EFHD1: variants seen among roughly 807,000 people sequenced by gnomAD.
The protein encoded by EFHD1 is EF-hand domain-containing protein D1.
In EFHD1, 10 loss-of-function variants were observed where a neutral mutation model predicts 17.2. The observed-to-expected ratio is 0.58, with a 90% CI of 0.36 to 0.99. The LOEUF is 0.99. Among genes scored for constraint, EFHD1 ranks in the 50% least tolerant of loss-of-function variants. The probability of loss-of-function intolerance (pLI) is 0.01; values close to 1 mark genes in which losing one functional copy is unlikely to be tolerated. For synonymous variants in EFHD1, 153 were observed against 142.0 expected (o/e 1.08, Z -0.55); for missense variants, 310 against 327.5 (o/e 0.95, Z 0.41).
chr2:232,662,776 G>T (rs377139617), intron 1 of EFHD1, 26 bp from the exon 2 acceptor site: 3 of 1,553,500 alleles, frequency 1.9e-6, no homozygotes, highest in Admixed American at 2.2e-5. Flanking sequence ...CTTTCATCCC[G>T]GTCATGCATT....
At chr2:232,628,695 T>A (rs1694148954), upstream of EFHD1, among the ~76,000 whole-genome samples, 1 of 152,168 alleles carries the variant, frequency 6.6e-6, no homozygotes, top group African/African-American at 2.4e-5. Context: ...AAATCTCCAT[T>A]CTGACTCAAT....
intron 1 of EFHD1, among the ~76,000 whole-genome samples, chr2:232,623,106 G>T (rs2106187494): frequency 6.6e-6 from 1 of 152,128 alleles, no homozygotes; most frequent in East Asian, 1.9e-4. Context: ...GAGTGCAAAG[G>T]CACGATCAGG....
At chr2:232,638,452 C>T (rs1368758386) in intron 1 of EFHD1, 14 of 471,000 alleles carry the variant, frequency 3.0e-5, no homozygotes, top group Admixed American at 9.4e-5. Context: ...GCCAGAGTCC[C>T]GCGTTACCAA....
intron 1 of EFHD1, among the ~76,000 whole-genome samples, chr2:232,651,335 G>A (rs1249162583): frequency 3.3e-5 from 5 of 152,242 alleles, no homozygotes; most frequent in Non-Finnish European, 7.3e-5. Context: ...TTTCATGGAA[G>A]GAGAGGGAGC....
intron 1 of EFHD1, among the ~76,000 whole-genome samples, chr2:232,652,425 A>C (rs1188178141): frequency 6.6e-6 from 1 of 151,938 alleles, no homozygotes; most frequent in African/African-American, 2.4e-5. Flanking sequence ...TTCCTACTGT[A>C]CTCGAAAGCT....
intron 1 of EFHD1, among the ~76,000 whole-genome samples, chr2:232,637,360 T>G (rs1257926219): frequency 1.3e-5 from 2 of 151,048 alleles, no homozygotes; most frequent in Non-Finnish European, 3.0e-5. Context: ...TTTTTTTTTT[T>G]TGAGATGGAG....
At chr2:232,607,800 A>C (rs1240320253) in intron 1 of EFHD1, among the ~76,000 whole-genome samples, 1 of 149,740 alleles carries the variant, frequency 6.7e-6, no homozygotes, top group African/African-American at 2.5e-5. Context: ...TTTTTTTTTA[A>C]TTTAAGGTTA....
chr2:232,613,757 C>CACACACATACACACACAAATAT (rs1693859014), intron 1 of EFHD1, among the ~76,000 whole-genome samples: 1 of 150,184 alleles, frequency 6.7e-6, no homozygotes, highest in Non-Finnish European at 1.5e-5. Flanking sequence ...CACACAAATA[C>CACACACATACACACACAAATAT]GCACACACAT....
chr2:232,629,301 A>G (rs1352504022), upstream of EFHD1, among the ~76,000 whole-genome samples: 2 of 152,218 alleles, frequency 1.3e-5, no homozygotes, highest in African/African-American at 4.8e-5. Flanking sequence ...TGGCCACCCC[A>G]GAATGTTAGT....
At chr2:232,631,194 T>A (rs1694194574), upstream of EFHD1, among the ~76,000 whole-genome samples, 1 of 151,950 alleles carries the variant, frequency 6.6e-6, no homozygotes, top group Admixed American at 6.6e-5. Context: ...ACCACTGCAC[T>A]TCAGCCTGGG....
At chr2:232,636,034 C>T (rs1208728597) in intron 1 of EFHD1, among the ~76,000 whole-genome samples, 1 of 152,178 alleles carries the variant, frequency 6.6e-6, no homozygotes, top group Admixed American at 6.5e-5. Flanking sequence ...TTAGGTGCTG[C>T]CATCAGTGCT....
At chr2:232,668,996 G>A (rs1398428281) in intron 2 of EFHD1, among the ~76,000 whole-genome samples, 1 of 152,166 alleles carries the variant, frequency 6.6e-6, no homozygotes, top group Non-Finnish European at 1.5e-5. Flanking sequence ...TGGTGGGGCT[G>A]CCTGTTCTCT....
At chr2:232,614,774 G>C (rs1026542515) in intron 1 of EFHD1, among the ~76,000 whole-genome samples, 2 of 152,100 alleles carry the variant, frequency 1.3e-5, no homozygotes, top group Non-Finnish European at 1.5e-5. Flanking sequence ...CCTGGAGTTC[G>C]AGACCAGCCT....
chr2:232,674,550 G>A (rs1695137144), intron 3 of EFHD1, among the ~76,000 whole-genome samples: 2 of 152,070 alleles, frequency 1.3e-5, no homozygotes, highest in South Asian at 4.1e-4. Flanking sequence ...TTTTATAACT[G>A]GAGAAAAGAT....
chr2:232,675,647 G>A (rs972269887), intron 3 of EFHD1, among the ~76,000 whole-genome samples: 2 of 152,162 alleles, frequency 1.3e-5, no homozygotes, highest in African/African-American at 4.8e-5. Context: ...TGACGTGATC[G>A]GGGTGGGCAC....
chr2:232,671,762 A>G (rs183447233), intron 2 of EFHD1, among the ~76,000 whole-genome samples: 1 of 149,774 alleles, frequency 6.7e-6, no homozygotes, highest in African/African-American at 2.5e-5. Flanking sequence ...AAATAAATAA[A>G]TAAAAGTTTG....
At chr2:232,664,361 C>T (rs191959997) in intron 2 of EFHD1, among the ~76,000 whole-genome samples, 16 of 150,410 alleles carry the variant, frequency 1.1e-4, no homozygotes, top group African/African-American at 2.7e-4. Flanking sequence ...GGCTGGTCTC[C>T]GACTCAGCCT....
chr2:232,636,995 C>G (rs1694330277), intron 1 of EFHD1, among the ~76,000 whole-genome samples: 1 of 152,050 alleles, frequency 6.6e-6, no homozygotes, highest in Non-Finnish European at 1.5e-5. Context: ...TTTGCCCTTC[C>G]GGGTTCTGCG....
intron 1 of EFHD1, among the ~76,000 whole-genome samples, chr2:232,653,729 C>A (rs1694701810): frequency 6.6e-6 from 1 of 152,204 alleles, no homozygotes; most frequent in Non-Finnish European, 1.5e-5. Context: ...TCTCTCCTGC[C>A]CTTCTCCCCT....
Sources: allele counts gnomAD v4.1 joint callset (sites outside exome capture counted in the v4.1 genomes callset), GRCh38; gene constraint gnomAD v4.1.1; transcripts MANE v1.5; gene names NCBI Gene and HGNC (gene_info 2026-07-23, HGNC 2026-07-21).